The following LRMDA variants were observed in gnomAD, a reference collection of about 807,000 sequenced individuals.
LRMDA encodes leucine-rich melanocyte differentiation-associated protein.
In LRMDA, 18 loss-of-function variants were observed where a neutral mutation model predicts 29.8. The ratio of observed to expected loss-of-function variants is 0.60; its 90% CI spans 0.42 to 0.90. LRMDA has a LOEUF of 0.90. Among genes scored for constraint, LRMDA ranks in the 40% least tolerant of loss-of-function variants. The pLI, the probability that LRMDA is intolerant of heterozygous loss-of-function variation, is 0.00. For missense variants in LRMDA, 273 were observed against 273.9 expected (o/e 1.00, Z 0.02); for synonymous variants, 125 against 109.4 (o/e 1.14, Z -0.89).
chr10:76,512,475 A>G (rs1843017971), intron 6 of LRMDA, among the ~76,000 whole-genome samples: 1 of 152,206 alleles, frequency 6.6e-6, no homozygotes, highest in South Asian at 2.1e-4. Flanking sequence ...TTTCAATGGG[A>G]AAAGAACAAC....
At chr10:76,538,362 C>T (rs1177121678) in intron 6 of LRMDA, among the ~76,000 whole-genome samples, 1 of 150,586 alleles carries the variant, frequency 6.6e-6, no homozygotes, top group Non-Finnish European at 1.5e-5. Flanking sequence ...TTTTTTTTAA[C>T]CTTGTTTTTA....
intron 2 of LRMDA, among the ~76,000 whole-genome samples, chr10:75,983,757 C>T (rs1453983637): frequency 1.3e-5 from 2 of 152,122 alleles, no homozygotes; most frequent in African/African-American, 2.4e-5. Context: ...CCAGTTCTAG[C>T]GATTCTCATG....
chr10:76,145,902 A>G (rs4393252), intron 5 of LRMDA, among the ~76,000 whole-genome samples: 96,214 of 142,268 alleles, frequency 0.68, 32,747 homozygotes, highest in East Asian at 0.84. Flanking sequence ...CTTTGTTCTC[A>G]TTGGTTTCAA....
chr10:76,441,072 C>T (rs1842297245), intron 6 of LRMDA, among the ~76,000 whole-genome samples: 1 of 152,100 alleles, frequency 6.6e-6, no homozygotes, highest in South Asian at 2.1e-4. Flanking sequence ...TGCATTCCTT[C>T]CTTCCATCAA....
chr10:75,881,519 A>G (rs1036831767), intron 2 of LRMDA, among the ~76,000 whole-genome samples: 1 of 151,866 alleles, frequency 6.6e-6, no homozygotes, highest in African/African-American at 2.4e-5. Flanking sequence ...TGCATGGCAG[A>G]TGGAAAATTG....
intron 5 of LRMDA, among the ~76,000 whole-genome samples, chr10:76,310,106 T>C (rs1840611193): frequency 6.6e-6 from 1 of 152,228 alleles, no homozygotes; most frequent in Admixed American, 6.5e-5. Context: ...TAAAATTCCC[T>C]TGCACAGTTA....
At chr10:76,416,622 A>G (rs903017201) in intron 6 of LRMDA, among the ~76,000 whole-genome samples, 1 of 152,238 alleles carries the variant, frequency 6.6e-6, no homozygotes, top group South Asian at 2.1e-4. Context: ...AACCACCTCC[A>G]TGGATATATA....
rs76821588 is a variant in LRMDA, at chr10:75,610,743, T to C, written c.131+172249T>C. ...AATAGGCAATACATGTTCCCTAAAATGTATTGTTGAACTGAAACCTTTAAG... is the reference window on the plus strand; with the variant it reads ...AATAGGCAATACATGTTCCCTAAAACGTATTGTTGAACTGAAACCTTTAAG... On this transcript the variant is annotated intron_variant, in intron 2 of 6. Transcript: ENST00000611255. Among the ~76,000 whole-genome samples, 690 of 152,286 alleles carry C rather than the reference T, an allele frequency of 4.5e-3. 7 individuals carry two copies. Among genetic ancestry groups the C allele is most frequent in the South Asian group, 0.031 (150 of 4,818 alleles).
chr10:76,177,105 G>A (rs1369953582), intron 5 of LRMDA, among the ~76,000 whole-genome samples: 3 of 152,152 alleles, frequency 2.0e-5, no homozygotes, highest in African/African-American at 7.2e-5. Flanking sequence ...TCAAGTTTAG[G>A]AACAGGGCTG....
At chr10:75,837,554 C>T (rs908455872) in intron 2 of LRMDA, among the ~76,000 whole-genome samples, 4 of 152,046 alleles carry the variant, frequency 2.6e-5, no homozygotes, top group African/African-American at 7.2e-5. Context: ...TTCAACCAAG[C>T]TTAGGACACA....
At chr10:75,708,767 G>T (rs975684948) in intron 2 of LRMDA, among the ~76,000 whole-genome samples, 11 of 152,202 alleles carry the variant, frequency 7.2e-5, no homozygotes, top group Non-Finnish European at 1.5e-4. Flanking sequence ...GAACGAGCAA[G>T]GGTTTCTAAA....
intron 2 of LRMDA, among the ~76,000 whole-genome samples, chr10:75,806,757 TAGG>T: frequency 6.8e-6 from 1 of 147,998 alleles, no homozygotes; most frequent in Non-Finnish European, 1.5e-5. Flanking sequence ...TGCTGTGTGC[TAGG>T]ACCCCCATGT....
At chr10:75,859,772 T>C (rs1332695931) in intron 2 of LRMDA, among the ~76,000 whole-genome samples, 3 of 152,198 alleles carry the variant, frequency 2.0e-5, no homozygotes, top group Non-Finnish European at 4.4e-5. Flanking sequence ...ACAGGTCTTC[T>C]CTGTTATGCT....
intron 2 of LRMDA, among the ~76,000 whole-genome samples, chr10:75,979,877 A>G (rs1210893252): frequency 6.6e-6 from 1 of 152,206 alleles, no homozygotes; most frequent in Non-Finnish European, 1.5e-5. Flanking sequence ...AATCTATGAA[A>G]ATGGACATTA....
chr10:76,355,015 C>G (rs1474453293), intron 6 of LRMDA, among the ~76,000 whole-genome samples: 1 of 152,132 alleles, frequency 6.6e-6, no homozygotes, highest in African/African-American at 2.4e-5. Flanking sequence ...ACTGGCAGTG[C>G]TGTCCTTCAA....
intron 2 of LRMDA, among the ~76,000 whole-genome samples, chr10:75,537,860 G>A (rs1839969003): frequency 6.6e-6 from 1 of 152,148 alleles, no homozygotes; most frequent in South Asian, 2.1e-4. Context: ...TGCTTGTCCT[G>A]TGTGTCCCCT....
chr10:76,061,892 A>T (rs1312051521), intron 5 of LRMDA, among the ~76,000 whole-genome samples: 3 of 152,212 alleles, frequency 2.0e-5, no homozygotes, highest in African/African-American at 7.2e-5. Context: ...AGGCAGTGGT[A>T]CTTTTCTTGT....
At chr10:75,924,505 G>T (rs1001751241) in intron 2 of LRMDA, among the ~76,000 whole-genome samples, 6 of 152,170 alleles carry the variant, frequency 3.9e-5, no homozygotes, top group Middle Eastern at 3.2e-3. Flanking sequence ...GCGTGCTGAG[G>T]GGGAGAGAAC....
At chr10:75,436,682 G>T (rs1049218021) in intron 1 of LRMDA, among the ~76,000 whole-genome samples, 1 of 152,002 alleles carries the variant, frequency 6.6e-6, no homozygotes, top group Non-Finnish European at 1.5e-5. Context: ...TGTTAGTCAG[G>T]ATGGTGTCGA....
Sources: gnomAD v4.1 joint callset for allele counts (sites outside exome capture counted in the v4.1 genomes callset) on GRCh38, gnomAD v4.1.1 for gene constraint, MANE v1.5 for transcripts, NCBI Gene and HGNC (gene_info 2026-07-23, HGNC 2026-07-21) for gene names.